Variants in BANF2 observed in about 807,000 individuals in gnomAD.
The protein encoded by BANF2 is BANF family member 2, also known as barrier-to-autointegration factor-like protein.
BANF2 carries 4 observed loss-of-function variants against 8.0 expected under a neutral mutation model. The ratio of observed to expected loss-of-function variants is 0.50; its 90% CI spans 0.25 to 1.14. BANF2 has a LOEUF of 1.14. Ranked by LOEUF, BANF2 falls within the 50% of genes most tolerant of loss-of-function variation. BANF2 has a pLI of 0.16. For missense variants in BANF2, 96 were observed against 107.5 expected (o/e 0.89, Z 0.47); for synonymous variants, 50 against 40.6 (o/e 1.23, Z -0.88).
At chr20:17,732,962 G>C (rs2037922558) in intron 3 of BANF2, among the ~76,000 whole-genome samples, 1 of 152,224 alleles carries the variant, frequency 6.6e-6, no homozygotes, top group South Asian at 2.1e-4. Context: ...AGTGCTCAGG[G>C]AAGAAGGGAG....
intron 1 of BANF2, among the ~76,000 whole-genome samples, chr20:17,715,335 A>G (rs537078231): frequency 1.3e-5 from 2 of 152,312 alleles, no homozygotes; most frequent in South Asian, 2.1e-4. Flanking sequence ...TGCAGAAGAC[A>G]TCGTCCTGAG....
intron 3 of BANF2, among the ~76,000 whole-genome samples, chr20:17,725,377 G>A (rs2037793116): frequency 6.6e-6 from 1 of 152,266 alleles, no homozygotes; most frequent in Non-Finnish European, 1.5e-5. Flanking sequence ...TCAGTTCAGA[G>A]CAGCTGGGCT....
At chr20:17,722,169 C>T (rs754269274) in intron 1 of BANF2, among the ~76,000 whole-genome samples, 23 of 152,224 alleles carry the variant, frequency 1.5e-4, no homozygotes, top group Admixed American at 3.3e-4. Context: ...CCCAGGAGGG[C>T]AAAAGTCACT....
chr20:17,707,334 G>C (rs983347765), intron 1 of BANF2, among the ~76,000 whole-genome samples: 1 of 150,386 alleles, frequency 6.6e-6, no homozygotes, highest in Admixed American at 6.6e-5. Flanking sequence ...AGTGAACCGA[G>C]ATCGCACCAC....
At chr20:17,724,441 G>A (rs1390655006) in intron 2 of BANF2, among the ~76,000 whole-genome samples, 1 of 152,174 alleles carries the variant, frequency 6.6e-6, no homozygotes, top group Admixed American at 6.5e-5. Flanking sequence ...CCACCATGAG[G>A]GGAGCCAAGC....
At chr20:17,735,549 C>A in intron 3 of BANF2, 116 bp from the exon 4 acceptor site, 1 of 1,263,170 alleles carries the variant, frequency 7.9e-7, no homozygotes. Flanking sequence ...TTGAATCGGC[C>A]CTGCTCCCCC....
chr20:17,724,252 G>T (rs2037772460), intron 2 of BANF2, among the ~76,000 whole-genome samples: 1 of 152,174 alleles, frequency 6.6e-6, no homozygotes, highest in South Asian at 2.1e-4. Context: ...TTTGCCTGGG[G>T]CCTGCAATCT....
chr20:17,718,037 C>G (rs1002612553), intron 1 of BANF2, among the ~76,000 whole-genome samples: 6 of 152,112 alleles, frequency 3.9e-5, no homozygotes, highest in Non-Finnish European at 8.8e-5. Context: ...TAATTACACA[C>G]AATTGAAATA....
intron 3 of BANF2, among the ~76,000 whole-genome samples, chr20:17,732,063 CAA>C (rs199868651): frequency 1.2e-4 from 16 of 132,760 alleles, no homozygotes; most frequent in East Asian, 2.1e-4. Context: ...GAGACGTCGT[CAA>C]AAAAAAAAAA....
chr20:17,723,458 A>G (rs975886429), intron 2 of BANF2, among the ~76,000 whole-genome samples: 4 of 152,220 alleles, frequency 2.6e-5, no homozygotes, highest in Non-Finnish European at 5.9e-5. Context: ...CGGGAAATCA[A>G]GCTGAAGCCT....
At position 17,709,395 on chromosome 20, in the gene BANF2, A is replaced by T. The variant is rs559525899; in HGVS notation, c.-167+9340A>T. Among the ~76,000 whole-genome samples the T allele has an allele frequency of 3.3e-5, 5 of 152,282 alleles. No individual in the cohort carries two copies. The South Asian group carries it at 1.0e-3, about 32-fold the overall frequency. ...CACAAAATGTGAGAGCAGAGGAATG[A>T]AGGAAAATTAAATCTTGGGCGAGGC... On this transcript the variant is annotated intron_variant, in intron 1 of 3. Transcript: ENST00000246090.
At chr20:17,700,806 T>A (rs1374573749) in intron 1 of BANF2, among the ~76,000 whole-genome samples, 2 of 152,116 alleles carry the variant, frequency 1.3e-5, no homozygotes, top group African/African-American at 4.8e-5. Context: ...TAACAAACAG[T>A]AGGGACCCGT....
chr20:17,723,827 T>C (rs1314471118), intron 2 of BANF2, among the ~76,000 whole-genome samples: 1 of 152,112 alleles, frequency 6.6e-6, no homozygotes, highest in African/African-American at 2.4e-5. Flanking sequence ...AAACCTCATC[T>C]CTACTAAAAA....
At chr20:17,717,219 C>T (rs74181977) in intron 1 of BANF2, among the ~76,000 whole-genome samples, 1 of 151,978 alleles carries the variant, frequency 6.6e-6, no homozygotes, top group Non-Finnish European at 1.5e-5. Flanking sequence ...TCACTGTAGA[C>T]CGAAGGCACA....
chr20:17,704,877 C>T (rs2037459181), intron 1 of BANF2, among the ~76,000 whole-genome samples: 1 of 152,160 alleles, frequency 6.6e-6, no homozygotes, highest in African/African-American at 2.4e-5. Context: ...ACAGGATCCC[C>T]CACAAGTGGA....
At chr20:17,718,212 G>A (rs769022945) in intron 1 of BANF2, among the ~76,000 whole-genome samples, 5 of 152,016 alleles carry the variant, frequency 3.3e-5, no homozygotes, top group Non-Finnish European at 5.9e-5. Flanking sequence ...GTTTGTTTTT[G>A]TTTTTGTTTT....
intron 1 of BANF2, among the ~76,000 whole-genome samples, chr20:17,693,899 G>A (rs942118643): frequency 1.3e-5 from 2 of 152,214 alleles, no homozygotes; most frequent in South Asian, 2.1e-4. Flanking sequence ...TTCACACCAC[G>A]GTGGCTGACT....
intron 1 of BANF2, among the ~76,000 whole-genome samples, chr20:17,707,747 T>C (rs2037504470): frequency 1.3e-5 from 2 of 151,428 alleles, no homozygotes; most frequent in Admixed American, 6.6e-5. Flanking sequence ...ACCCGGCTAA[T>C]TTTTTTGTAT....
upstream of BANF2, among the ~76,000 whole-genome samples, chr20:17,698,156 C>T (rs984385213): frequency 5.3e-5 from 8 of 151,746 alleles, 1 homozygote; most frequent in African/African-American, 1.2e-4. Flanking sequence ...TGCAGTGAGC[C>T]GAGATCACGC....
Sources: allele counts gnomAD v4.1 joint callset (sites outside exome capture counted in the v4.1 genomes callset), GRCh38; gene constraint gnomAD v4.1.1; transcripts MANE v1.5; gene names NCBI Gene and HGNC (gene_info 2026-07-23, HGNC 2026-07-21).